The following WWP1 variants were observed in gnomAD, a reference collection of about 807,000 sequenced individuals.
WWP1 encodes the protein WW domain containing E3 ubiquitin protein ligase 1.
A neutral mutation model predicts 130.6 loss-of-function variants in WWP1; 49 were observed. The observed-to-expected ratio is 0.38, with a 90% CI of 0.30 to 0.48. The LOEUF (loss-of-function observed/expected upper bound fraction) is 0.48. Among genes scored for constraint, WWP1 ranks in the 20% least tolerant of loss-of-function variants. The pLI, the probability that WWP1 is intolerant of heterozygous loss-of-function variation, is 0.99. For missense variants in WWP1, 809 were observed against 1,100.6 expected, an observed-to-expected ratio of 0.74 and a Z score of 3.75; for synonymous variants, 332 against 367.8, an observed-to-expected ratio of 0.90 and a Z score of 1.11.
At chr8:86,449,567 C>CA (rs902293332) in intron 20 of WWP1, among the ~76,000 whole-genome samples, 56 of 152,220 alleles carry the variant, frequency 3.7e-4, no homozygotes, top group African/African-American at 1.2e-3. Context: ...AAATGCTGGA[C>CA]AAAAAAACCA....
At position 86,398,634 on chromosome 8, in the gene WWP1, G is replaced by T. The variant is rs1262180616; in HGVS notation, c.535G>T (p.Ala179Ser). 1 of 1,611,862 alleles carries T rather than the reference G, an allele frequency of 6.2e-7. No homozygotes were observed. ...TGGAGAGCCTTCAGCAAGGACAACT[G>T]CCAGGTAGAATATTTTATTTGAATA... ...ENGEPSARTTARLAVEGTNGI... is the reference protein window; with the variant it reads ...ENGEPSARTTSRLAVEGTNGI... Residue 179 changes from alanine to serine, a missense_variant, in exon 7 of 25, where the codon GCC (alanine) becomes TCC (serine). Transcript: ENST00000517970.
rs185212067 is a variant in WWP1, at chr8:86,389,778, C to T, written c.334+8149C>T. Among the ~76,000 whole-genome samples, 761 of 146,332 alleles carry T rather than the reference C, an allele frequency of 5.2e-3. 5 individuals carry two copies. The highest frequency in any genetic ancestry group is 0.018 in the African/African-American group (728 of 39,538). On this transcript the variant is annotated intron_variant, in intron 5 of 24. Transcript: ENST00000517970. ...CCACCTCCCGGATGGGGCGGCTGCC[C>T]GGCGGAGGCCGCCCCCCACCTCCCT...
chr8:86,365,115 A>C (rs1823896626), intron 1 of WWP1, among the ~76,000 whole-genome samples: 1 of 152,152 alleles, frequency 6.6e-6, no homozygotes, highest in Admixed American at 6.5e-5. Flanking sequence ...CTCAGAAAAA[A>C]ATCTATGTAT....
chr8:86,394,791 GT>G (rs1394492564), intron 5 of WWP1, among the ~76,000 whole-genome samples: 2 of 152,056 alleles, frequency 1.3e-5, no homozygotes, highest in Non-Finnish European at 2.9e-5. Context: ...GATCCAAAAT[GT>G]TATAACTCAA....
intron 24 of WWP1, 135 bp from the exon 25 acceptor site, chr8:86,466,658 TA>T: frequency 2.2e-6 from 1 of 462,152 alleles, no homozygotes; most frequent in Non-Finnish European, 3.6e-6. Context: ...TAGATTACTC[TA>T]AATACTTCTG....
At chr8:86,356,077 T>C (rs1586245268) in intron 1 of WWP1, among the ~76,000 whole-genome samples, 1 of 152,176 alleles carries the variant, frequency 6.6e-6, no homozygotes, top group East Asian at 1.9e-4. Flanking sequence ...ATAATTTTTT[T>C]GTAAAGTGAC....
intron 2 of WWP1, among the ~76,000 whole-genome samples, chr8:86,371,459 G>T (rs1586283500): frequency 6.6e-6 from 1 of 152,150 alleles, no homozygotes; most frequent in East Asian, 1.9e-4. Flanking sequence ...CCTACCAGCG[G>T]TGTATAAGAG....
chr8:86,376,943 A>G (rs1349860727), intron 3 of WWP1, among the ~76,000 whole-genome samples: 2 of 152,218 alleles, frequency 1.3e-5, no homozygotes, highest in African/African-American at 4.8e-5. Flanking sequence ...AACTTCTGCA[A>G]TAAAGATTAC....
intron 5 of WWP1, among the ~76,000 whole-genome samples, chr8:86,383,210 A>G (rs894639957): frequency 2.6e-5 from 4 of 151,420 alleles, no homozygotes; most frequent in Admixed American, 1.3e-4. Context: ...GAGTCATGCA[A>G]TTCATCTTGA....
At chr8:86,438,818 C>T in intron 17 of WWP1, 145 bp downstream of exon 17, 1 of 584,176 alleles carries the variant, frequency 1.7e-6, no homozygotes, top group East Asian at 3.0e-5. Flanking sequence ...ACACGGTAAC[C>T]ATTATTATTA....
Position 86,398,686 on chromosome 8 carries a change from T to C in WWP1, c.539+48T>C, listed in dbSNP as rs1188619096. 7 of 1,585,534 alleles carry C rather than the reference T, an allele frequency of 4.4e-6. No individual in the cohort carries two copies. The East Asian group carries it at 1.1e-4, about 25-fold the overall frequency. On this transcript the variant is annotated intron_variant, in intron 7 of 24. Coordinates refer to ENST00000517970, the MANE Select transcript of WWP1 (RefSeq NM_007013.4). ...GGGTGGCGACATGATGTGGAACATATTTCCTGAATAAGAAGTTTTATATTT... is the reference window on the plus strand; with the variant it reads ...GGGTGGCGACATGATGTGGAACATACTTCCTGAATAAGAAGTTTTATATTT...
chr8:86,442,381 A>C (rs1221157398), intron 17 of WWP1: 1 of 286,720 alleles, frequency 3.5e-6, no homozygotes, highest in Non-Finnish European at 6.4e-6. Context: ...CATACAAATA[A>C]GCATGTTATA....
chr8:86,458,162 C>T (rs1193532365), intron 22 of WWP1, 137 bp downstream of exon 22: 4 of 650,764 alleles, frequency 6.1e-6, no homozygotes, highest in South Asian at 4.4e-5. Context: ...TAAATCTAAG[C>T]GAATAGTGTG....
intron 5 of WWP1, among the ~76,000 whole-genome samples, chr8:86,397,046 G>A (rs968435797): frequency 1.1e-4 from 17 of 152,122 alleles, no homozygotes; most frequent in Non-Finnish European, 1.5e-5. Flanking sequence ...ATTTCTGTCC[G>A]GTGATTAGTA....
At chr8:86,401,936 A>C (rs554310586) in intron 7 of WWP1, 83 bp from the exon 8 acceptor site, 1 of 1,278,596 alleles carries the variant, frequency 7.8e-7, no homozygotes. Context: ...AACTTAAGAG[A>C]ATTTAGTAAA....
chr8:86,461,896 T>C (rs774185332), intron 24 of WWP1, 50 bp downstream of exon 24: 3 of 1,492,660 alleles, frequency 2.0e-6, no homozygotes, highest in Non-Finnish European at 2.8e-6. Flanking sequence ...GAGAATCTTT[T>C]GTTTTGTTTT....
rs535938971 is a variant in WWP1 at position 86,427,559 on chromosome 8, G to A, written c.1158-84G>A. The A allele has an allele frequency of 4.8e-5, 67 of 1,384,618 alleles. No individual in the cohort carries two copies. The South Asian group carries it at 1.0e-3, about 21-fold the overall frequency. The allele number at this position is 1,384,618 out of a possible 1,614,324, so 85.8% of individuals were successfully genotyped here. On this transcript the variant is annotated intron_variant, in intron 10 of 24. Transcript: ENST00000517970. The stretch of plus-strand genomic sequence containing the variant: ...AGTTATTTTAACATGTCTTGAACTT[G>A]ATATTTAAATTGAGTGAAGTAATAA...
intron 1 of WWP1, among the ~76,000 whole-genome samples, chr8:86,346,884 ATACCT>A (rs897105106): frequency 2.6e-5 from 4 of 152,246 alleles, no homozygotes; most frequent in African/African-American, 9.6e-5. Context: ...GAATTGTACT[ATACCT>A]TATGTTAGTA....
intron 21 of WWP1, among the ~76,000 whole-genome samples, chr8:86,455,324 A>G (rs1166160326): frequency 1.3e-5 from 2 of 151,996 alleles, no homozygotes; most frequent in African/African-American, 4.8e-5. Context: ...CAAATACCCT[A>G]GCCAGTGGCA....
Sources: gnomAD v4.1 joint callset for allele counts (sites outside exome capture counted in the v4.1 genomes callset) on GRCh38, gnomAD v4.1.1 for gene constraint, MANE v1.5 for transcripts, NCBI Gene and HGNC (gene_info 2026-07-23, HGNC 2026-07-21) for gene names.